Variants in LYPD6B observed in about 807,000 individuals in gnomAD.
LYPD6B encodes the protein ly6/PLAUR domain-containing protein 6B.
Under a neutral mutation model 22.8 loss-of-function variants are expected in LYPD6B, and 17 were observed. That is an observed-to-expected ratio of 0.75 (90% CI 0.51 to 1.12). The LOEUF is 1.12. Ranked by LOEUF, LYPD6B falls within the 50% of genes most tolerant of loss-of-function variation. The pLI, the probability that LYPD6B is intolerant of heterozygous loss-of-function variation, is 0.00. For synonymous variants in LYPD6B, 106 were observed against 91.6 expected, an observed-to-expected ratio of 1.16 and a Z score of -0.90; for missense variants, 221 against 258.3, an observed-to-expected ratio of 0.86 and a Z score of 0.99.
At chr2:149,207,968 G>C in intron 4 of LYPD6B, among the ~76,000 whole-genome samples, 1 of 152,130 alleles carries the variant, frequency 6.6e-6, no homozygotes, top group East Asian at 1.9e-4. Flanking sequence ...GGGATGACAC[G>C]TGTGTTCCAA....
chr2:149,112,864 A>G (rs1254754049), intron 1 of LYPD6B, among the ~76,000 whole-genome samples: 1 of 152,172 alleles, frequency 6.6e-6, no homozygotes, highest in Non-Finnish European at 1.5e-5. Context: ...ACTGATGGTT[A>G]TTTTCCATTC....
intron 3 of LYPD6B, among the ~76,000 whole-genome samples, chr2:149,171,300 C>T (rs909240189): frequency 6.6e-6 from 1 of 152,106 alleles, no homozygotes; most frequent in Admixed American, 6.6e-5. Flanking sequence ...CTATTCCATG[C>T]CCTTCTCCTT....
At chr2:149,118,103 T>G (rs1033625590) in intron 1 of LYPD6B, 1 of 152,388 alleles carries the variant, frequency 6.6e-6, no homozygotes, top group African/African-American at 2.4e-5. Context: ...ATGTCTTTTA[T>G]GACAGCCTCA....
chr2:149,151,740 GA>G (rs1167987208), intron 2 of LYPD6B, among the ~76,000 whole-genome samples: 1 of 152,126 alleles, frequency 6.6e-6, no homozygotes, highest in Non-Finnish European at 1.5e-5. Flanking sequence ...AAGCAATTTG[GA>G]AACTCTCCAG....
At chr2:149,096,139 G>T (rs1685894680) in intron 1 of LYPD6B, among the ~76,000 whole-genome samples, 1 of 151,976 alleles carries the variant, frequency 6.6e-6, no homozygotes, top group Admixed American at 6.6e-5. Flanking sequence ...CACAGAGAGA[G>T]ACAAACAGGA....
At position 149,212,996 on chromosome 2, in the gene LYPD6B, A is replaced by G. The variant is rs565218104; in HGVS notation, c.333A>G (p.Thr111=). The G allele has an allele frequency of 3.1e-6, 5 of 1,613,842 alleles. No individual in the cohort carries two copies. The African/African-American group carries it at 6.7e-5, about 22-fold the overall frequency. Reference sequence around the variant, plus strand: ...TTTTTGTTTCCTCTTGCCTAGATACACAGTACTGTTTGACAGTTCATCACT... The same window carrying G: ...TTTTTGTTTCCTCTTGCCTAGATACGCAGTACTGTTTGACAGTTCATCACT... The part of the protein sequence containing the change: ...WAEDKWCPQN[T]QYCLTVHHFT... The change falls in exon 6 of 7, where the codon ACA becomes ACG. Residue 111 remains threonine, a synonymous_variant. Transcript: ENST00000409642.
chr2:149,186,465 A>T (rs1318831980), intron 3 of LYPD6B, among the ~76,000 whole-genome samples: 1 of 152,216 alleles, frequency 6.6e-6, no homozygotes, highest in African/African-American at 2.4e-5. Context: ...GTTCATGAGG[A>T]TGAAGGAAAG....
intron 6 of LYPD6B, among the ~76,000 whole-genome samples, chr2:149,214,058 CA>C (rs1324854311): frequency 6.6e-6 from 1 of 152,158 alleles, no homozygotes; most frequent in African/African-American, 2.4e-5. Context: ...TTTCTTACAC[CA>C]CTCAGCAACC....
At chr2:149,149,563 A>T (rs775157271) in intron 2 of LYPD6B, among the ~76,000 whole-genome samples, 1 of 152,238 alleles carries the variant, frequency 6.6e-6, no homozygotes, top group African/African-American at 2.4e-5. Flanking sequence ...CAAAGGAAGT[A>T]CCTGCCTTTG....
chr2:149,049,357 G>GCACACA (rs144024995), intron 1 of LYPD6B, among the ~76,000 whole-genome samples: 5 of 151,194 alleles, frequency 3.3e-5, no homozygotes, highest in Non-Finnish European at 7.4e-5. Context: ...GCATGCACAT[G>GCACACA]CACACACACA....
intron 1 of LYPD6B, among the ~76,000 whole-genome samples, chr2:149,061,612 C>G (rs779928764): frequency 1.3e-5 from 2 of 151,954 alleles, no homozygotes; most frequent in Non-Finnish European, 2.9e-5. Context: ...TCCTGGATTC[C>G]CCGGGGCTTT....
intron 2 of LYPD6B, among the ~76,000 whole-genome samples, chr2:149,138,555 A>C (rs1271265445): frequency 6.6e-6 from 1 of 152,238 alleles, no homozygotes; most frequent in East Asian, 1.9e-4. Flanking sequence ...TTCTTTTTTT[A>C]AGTAGACACA....
chr2:149,084,034 G>A (rs1685269575), intron 1 of LYPD6B, among the ~76,000 whole-genome samples: 1 of 152,138 alleles, frequency 6.6e-6, no homozygotes, highest in Admixed American at 6.5e-5. Flanking sequence ...AGGAGGCAGA[G>A]GTTGCAGTGA....
At chr2:149,167,895 G>GT (rs1249922490) in intron 3 of LYPD6B, among the ~76,000 whole-genome samples, 2 of 151,818 alleles carry the variant, frequency 1.3e-5, no homozygotes, top group Admixed American at 6.6e-5. Context: ...GTTTTTTTAT[G>GT]TTTTTTGTTT....
At chr2:149,188,374 G>A (rs1692266503) in intron 3 of LYPD6B, among the ~76,000 whole-genome samples, 1 of 152,154 alleles carries the variant, frequency 6.6e-6, no homozygotes, top group South Asian at 2.1e-4. Context: ...CCATGGGCTG[G>A]TTGGTTCTGA....
chr2:149,091,103 A>G (rs1339644377), intron 1 of LYPD6B, among the ~76,000 whole-genome samples: 1 of 152,190 alleles, frequency 6.6e-6, no homozygotes, highest in Non-Finnish European at 1.5e-5. Flanking sequence ...CAGTAGCATT[A>G]GCTTTGGGGG....
intron 2 of LYPD6B, among the ~76,000 whole-genome samples, chr2:149,134,767 G>A (rs1263961739): frequency 6.6e-6 from 1 of 152,286 alleles, no homozygotes; most frequent in East Asian, 1.9e-4. Context: ...AGTCAATCTG[G>A]GTTGTCAATC....
intron 3 of LYPD6B, among the ~76,000 whole-genome samples, chr2:149,203,764 TAGC>T (rs1385743248): frequency 1.3e-5 from 2 of 152,228 alleles, no homozygotes; most frequent in African/African-American, 4.8e-5. Flanking sequence ...AGTACTTTCT[TAGC>T]AGCTCAGTTC....
chr2:149,166,384 G>A (rs1690422766), intron 3 of LYPD6B, among the ~76,000 whole-genome samples: 3 of 152,138 alleles, frequency 2.0e-5, no homozygotes, highest in Non-Finnish European at 1.5e-5. Context: ...GTACCAATAT[G>A]AGTTACAATA....
Sources: allele counts gnomAD v4.1 joint callset (sites outside exome capture counted in the v4.1 genomes callset), GRCh38; gene constraint gnomAD v4.1.1; transcripts MANE v1.5; gene names NCBI Gene and HGNC (gene_info 2026-07-23, HGNC 2026-07-21).